Variants in COL28A1 observed in about 807,000 individuals in gnomAD.
The protein encoded by COL28A1 is collagen type XXVIII alpha 1 chain, also known as collagen alpha-1(XXVIII) chain.
In COL28A1, 161 loss-of-function variants were observed where a neutral mutation model predicts 150.2. The observed-to-expected ratio is 1.07, with a 90% CI of 0.94 to 1.22. The LOEUF is 1.22. Ranked by LOEUF, COL28A1 falls within the 50% of genes most tolerant of loss-of-function variation. COL28A1 has a pLI of 0.00. For missense variants in COL28A1, 1,617 were observed against 1,388.3 expected (o/e 1.16, Z -2.62); for synonymous variants, 552 against 469.7 (o/e 1.18, Z -2.26).
At chr7:7,488,884 A>G (rs980884526) in intron 13 of COL28A1, among the ~76,000 whole-genome samples, 6 of 152,194 alleles carry the variant, frequency 3.9e-5, no homozygotes, top group African/African-American at 1.4e-4. Context: ...GTTACAGTAA[A>G]AGAGAGTTGG....
chr7:7,483,501 T>G (rs1006688443), intron 13 of COL28A1, among the ~76,000 whole-genome samples: 2 of 152,156 alleles, frequency 1.3e-5, no homozygotes, highest in Admixed American at 6.5e-5. Context: ...TGATTTCAAT[T>G]GACATTATCT....
chr7:7,496,159 G>A (rs1408000706), intron 11 of COL28A1, among the ~76,000 whole-genome samples: 1 of 152,094 alleles, frequency 6.6e-6, no homozygotes, highest in Non-Finnish European at 1.5e-5. Context: ...TGATAGCACT[G>A]TTTTCCTTTT....
intron 33 of COL28A1, among the ~76,000 whole-genome samples, chr7:7,361,889 G>C (rs977450269): frequency 1.3e-5 from 2 of 152,120 alleles, no homozygotes; most frequent in Non-Finnish European, 2.9e-5. Flanking sequence ...AGGGACATGG[G>C]TGAAGCTAGA....
intron 15 of COL28A1, among the ~76,000 whole-genome samples, chr7:7,456,476 G>A (rs1787181062): frequency 6.6e-6 from 1 of 152,164 alleles, no homozygotes; most frequent in Non-Finnish European, 1.5e-5. Flanking sequence ...AAAATAGAAT[G>A]AGAGATAAAT....
chr7:7,523,249 C>A (rs1333490914), intron 4 of COL28A1, among the ~76,000 whole-genome samples: 1 of 151,094 alleles, frequency 6.6e-6, no homozygotes, highest in Non-Finnish European at 1.5e-5. Context: ...CCTCTGCCTC[C>A]TGGGTTCAAG....
the COL28A1 span, among the ~76,000 whole-genome samples, chr7:7,350,532 C>T: frequency 6.6e-6 from 1 of 151,904 alleles, no homozygotes; most frequent in East Asian, 1.9e-4. Flanking sequence ...GAGGCAAAGT[C>T]TATACCAATT....
chr7:7,484,158 A>C (rs1424481412), intron 13 of COL28A1, among the ~76,000 whole-genome samples: 1 of 152,194 alleles, frequency 6.6e-6, no homozygotes, highest in African/African-American at 2.4e-5. Flanking sequence ...ATGCATCATA[A>C]TTCCTCTACA....
chr7:7,338,505 G>C, the COL28A1 span, among the ~76,000 whole-genome samples: 1 of 151,974 alleles, frequency 6.6e-6, no homozygotes, highest in Non-Finnish European at 1.5e-5. Flanking sequence ...AATATTATTG[G>C]TGTATAGAAC....
At chr7:7,387,157 C>T (rs77488208) in intron 27 of COL28A1, among the ~76,000 whole-genome samples, 1 of 152,054 alleles carries the variant, frequency 6.6e-6, no homozygotes, top group African/African-American at 2.4e-5. Flanking sequence ...AGACCACATT[C>T]TGTTTCCTTT....
intron 27 of COL28A1, among the ~76,000 whole-genome samples, chr7:7,402,320 A>C (rs532730899): frequency 3.1e-4 from 47 of 152,336 alleles, no homozygotes; most frequent in Non-Finnish European, 5.4e-4. Context: ...GATAAATTAT[A>C]AATACCTATA....
chr7:7,373,489 G>T lies in COL28A1; in HGVS notation c.2417C>A (p.Ser806Ter). The T allele has an allele frequency of 6.2e-7, 1 of 1,613,988 alleles. No individual in the cohort carries two copies. The highest frequency in any genetic ancestry group is 8.5e-7 in the Non-Finnish European group (1 of 1,180,016). ...AAAGTTCTCTGGCCCCACGCTTTCT[G>T]AGCTGTCGATCACAAACACCAGCTC... ...PLELVFVIDS[S>*]ESVGPENFQI... Residue 806 changes from serine to a stop codon, truncating the protein, a stop_gained, in exon 32 of 35, where the codon TCA (serine) becomes TAA (stop). Transcript: ENST00000399429. LOFTEE classifies it high-confidence loss of function. This position sits in a 1 kb window ranked among gnomAD's most constrained non-coding sequence, Gnocchi z 4.1.
At chr7:7,456,659 T>C (rs1339155273) in intron 15 of COL28A1, among the ~76,000 whole-genome samples, 1 of 152,174 alleles carries the variant, frequency 6.6e-6, no homozygotes, top group East Asian at 1.9e-4. Flanking sequence ...AAGAAGAACA[T>C]AATTCATTCT....
Position 7,370,766 on chromosome 7 carries a change from T to C in COL28A1, c.3025A>G (p.Ser1009Gly). ...PGFGMSGEEL[S>G]ESTPEPQKEI... is the part of the protein sequence containing the mutation. ...TTTTGAGGCTCTGGAGTAGATTCAC[T>C]GAGTTCTTCCCCTGACATCCCAAAT... The change falls in exon 33 of 35, where the codon AGT (serine) becomes GGT (glycine). Residue 1009 changes from serine (S) to glycine (G), a missense_variant. Ser to Gly is a moderately conservative substitution (Grantham distance 56). Transcript: ENST00000399429. 6.2e-7 allele frequency: 1 copy of C among 1,613,854 alleles called. No homozygotes were observed. Among genetic ancestry groups the C allele is most frequent in the South Asian group, 1.1e-5 (1 of 91,026 alleles).
intron 30 of COL28A1, among the ~76,000 whole-genome samples, chr7:7,377,084 C>T (rs1158320962): frequency 6.6e-6 from 1 of 152,144 alleles, no homozygotes; most frequent in South Asian, 2.1e-4. Flanking sequence ...TTCTCTTGTG[C>T]AATCTGTGTA....
chr7:7,514,401 T>C (rs1231364442), intron 8 of COL28A1, among the ~76,000 whole-genome samples: 3 of 152,214 alleles, frequency 2.0e-5, no homozygotes. Context: ...TCCATCCAGT[T>C]GAAGAAACAG....
chr7:7,429,778 C>T lies in COL28A1; in HGVS notation c.1998+2695G>A, dbSNP rs138105342. Among the ~76,000 whole-genome samples the T allele has an allele frequency of 4.9e-3, 739 of 152,196 alleles. 3 individuals carry two copies. The highest frequency in any genetic ancestry group is 9.0e-3 in the Non-Finnish European group (613 of 68,004). ...GAAGGAAAAGCAGGTGAGAGGGAGGCGTGCAGACAGGTAGGTCCTACCTAG... is the reference window on the plus strand; with the variant it reads ...GAAGGAAAAGCAGGTGAGAGGGAGGTGTGCAGACAGGTAGGTCCTACCTAG... On this transcript the variant is annotated intron_variant, in intron 25 of 34. Transcript: ENST00000399429.
At chr7:7,352,738 A>T (rs1251083979), downstream of COL28A1, among the ~76,000 whole-genome samples, 2 of 152,206 alleles carry the variant, frequency 1.3e-5, no homozygotes, top group Non-Finnish European at 2.9e-5. Context: ...TCTGACCTAC[A>T]AAATTATAAC....
At chr7:7,439,739 C>T (rs2348046) in intron 21 of COL28A1, among the ~76,000 whole-genome samples, 60,584 of 152,012 alleles carry the variant, frequency 0.4, 15,155 homozygotes, top group African/African-American at 0.72. Context: ...AATGTGCTTC[C>T]TGAACTCCCT....
At chr7:7,409,699 G>A (rs1240847213) in intron 27 of COL28A1, among the ~76,000 whole-genome samples, 1 of 152,052 alleles carries the variant, frequency 6.6e-6, no homozygotes, top group Non-Finnish European at 1.5e-5. Context: ...TTTGGAATTT[G>A]GAAACTATAG....
Sources: gnomAD v4.1 joint callset for allele counts (sites outside exome capture counted in the v4.1 genomes callset) on GRCh38, gnomAD v4.1.1 for gene constraint, Gnocchi (gnomAD v3.1) non-coding constraint, MANE v1.5 for transcripts, NCBI Gene and HGNC (gene_info 2026-07-23, HGNC 2026-07-21) for gene names.